Variants in ANO2 observed in about 807,000 individuals in gnomAD.
ANO2 encodes the protein anoctamin 2, also known as anoctamin-2.
In ANO2, 101 loss-of-function variants were observed where a neutral mutation model predicts 124.2. The ratio of observed to expected loss-of-function variants is 0.81; its 90% CI spans 0.69 to 0.96. The LOEUF is 0.96. ANO2 is among the 40% of genes least tolerant of loss of function. ANO2 has a pLI of 0.00. For missense variants in ANO2, 1,293 were observed against 1,274.5 expected, an observed-to-expected ratio of 1.01 and a Z score of -0.22; for synonymous variants, 486 against 482.5, an observed-to-expected ratio of 1.01 and a Z score of -0.09.
At chr12:5,822,608 C>A (rs1219775413) in intron 7 of ANO2, among the ~76,000 whole-genome samples, 1 of 152,192 alleles carries the variant, frequency 6.6e-6, no homozygotes, top group Non-Finnish European at 1.5e-5. Flanking sequence ...CTAAATATGG[C>A]ACCATTCCTG....
At chr12:5,629,669 C>T (rs1565494847) in intron 16 of ANO2, among the ~76,000 whole-genome samples, 1 of 152,186 alleles carries the variant, frequency 6.6e-6, no homozygotes, top group Non-Finnish European at 1.5e-5. Flanking sequence ...GAATGGATCA[C>T]TGGGGACTAA....
intron 14 of ANO2, among the ~76,000 whole-genome samples, chr12:5,713,403 T>C (rs960718390): frequency 1.8e-4 from 27 of 152,258 alleles, no homozygotes; most frequent in African/African-American, 6.5e-4. Context: ...TAAACTTTAG[T>C]GTTTAAAGTT....
intron 14 of ANO2, among the ~76,000 whole-genome samples, chr12:5,715,380 C>T (rs974985878): frequency 6.6e-6 from 1 of 152,186 alleles, no homozygotes; most frequent in African/African-American, 2.4e-5. Flanking sequence ...AGCTCTTGAT[C>T]CATCCATTGC....
At chr12:5,607,718 A>AGCGTGAACCCT (rs1944289943) in intron 19 of ANO2, among the ~76,000 whole-genome samples, 1 of 152,086 alleles carries the variant, frequency 6.6e-6, no homozygotes, top group Non-Finnish European at 1.5e-5. Flanking sequence ...TTCTCACAGG[A>AGCGTGAACCCT]GCGTGAACCC....
intron 20 of ANO2, among the ~76,000 whole-genome samples, chr12:5,586,206 A>G (rs770496117): frequency 6.6e-6 from 1 of 152,170 alleles, no homozygotes; most frequent in Non-Finnish European, 1.5e-5. Context: ...TTTTTTCTTA[A>G]AGGCGTGGGG....
intron 13 of ANO2, among the ~76,000 whole-genome samples, chr12:5,734,144 A>C (rs1361134562): frequency 2.0e-5 from 3 of 152,246 alleles, no homozygotes; most frequent in Non-Finnish European, 2.9e-5. Context: ...ACTGGAAAAC[A>C]CTAGAACGTA....
At chr12:5,888,719 G>T (rs1939158900) in intron 3 of ANO2, among the ~76,000 whole-genome samples, 2 of 152,248 alleles carry the variant, frequency 1.3e-5, no homozygotes, top group South Asian at 4.1e-4. Flanking sequence ...GCTGATTGGT[G>T]TGTTTACAAA....
At chr12:5,698,405 C>A (rs948921608) in intron 14 of ANO2, among the ~76,000 whole-genome samples, 4 of 152,182 alleles carry the variant, frequency 2.6e-5, no homozygotes, top group Non-Finnish European at 5.9e-5. Context: ...AGAAGGAAAA[C>A]TAACAAACAG....
chr12:5,644,964 G>C (rs547090172), intron 15 of ANO2, among the ~76,000 whole-genome samples: 6 of 151,846 alleles, frequency 4.0e-5, no homozygotes, highest in African/African-American at 1.4e-4. Flanking sequence ...ATTTGCCTTT[G>C]GATTTAAGGC....
At chr12:5,668,164 C>T (rs1429727465) in intron 14 of ANO2, among the ~76,000 whole-genome samples, 1 of 152,208 alleles carries the variant, frequency 6.6e-6, no homozygotes, top group Non-Finnish European at 1.5e-5. Context: ...ATTGACATTC[C>T]CACCAACAGT....
intron 3 of ANO2, among the ~76,000 whole-genome samples, chr12:5,871,788 A>G (rs1331617791): frequency 6.6e-6 from 1 of 152,214 alleles, no homozygotes; most frequent in African/African-American, 2.4e-5. Flanking sequence ...ACCAATGGAT[A>G]CAAACTCTGC....
intron 3 of ANO2, among the ~76,000 whole-genome samples, chr12:5,901,913 A>G (rs775536504): frequency 1.3e-4 from 20 of 152,216 alleles, no homozygotes; most frequent in Non-Finnish European, 2.1e-4. Flanking sequence ...CGAGGGGCCA[A>G]TCACACAGAT....
chr12:5,878,724 T>C (rs1233876922), intron 3 of ANO2, among the ~76,000 whole-genome samples: 2 of 152,148 alleles, frequency 1.3e-5, no homozygotes, highest in Non-Finnish European at 2.9e-5. Context: ...CCACACTGAT[T>C]TACACAGCAT....
At chr12:5,893,450 TTTTC>T (rs1303051186) in intron 3 of ANO2, among the ~76,000 whole-genome samples, 6 of 151,884 alleles carry the variant, frequency 4.0e-5, no homozygotes, top group African/African-American at 7.2e-5. Flanking sequence ...GAGACATTTC[TTTTC>T]TTTATTTTGT....
intron 4 of ANO2, among the ~76,000 whole-genome samples, chr12:5,850,976 T>G (rs774092648): frequency 1.3e-5 from 2 of 152,222 alleles, no homozygotes; most frequent in Non-Finnish European, 2.9e-5. Context: ...ATATCATAGA[T>G]GAGGCAACTG....
chr12:5,647,185 G>A (rs1253423769), intron 15 of ANO2, among the ~76,000 whole-genome samples: 1 of 152,220 alleles, frequency 6.6e-6, no homozygotes, highest in African/African-American at 2.4e-5. Flanking sequence ...AACGAAGAAT[G>A]AACTGCTACC....
intron 7 of ANO2, among the ~76,000 whole-genome samples, chr12:5,824,923 G>A (rs58055156): frequency 0.036 from 5,429 of 152,176 alleles, 298 homozygotes; most frequent in African/African-American, 0.12. Context: ...ATCAGATCTC[G>A]TGAGACTTAT....
At chr12:5,572,303 C>T (rs1438339450) in intron 23 of ANO2, among the ~76,000 whole-genome samples, 1 of 152,190 alleles carries the variant, frequency 6.6e-6, no homozygotes, top group Non-Finnish European at 1.5e-5. Context: ...CCTGACACAC[C>T]CCTTGCTGCC....
chr12:5,771,961 T>C (rs1231374094), intron 10 of ANO2, among the ~76,000 whole-genome samples: 1 of 152,198 alleles, frequency 6.6e-6, no homozygotes, highest in Non-Finnish European at 1.5e-5. Flanking sequence ...TCCAAGTACA[T>C]GTCAAACAGT....
Sources: gnomAD v4.1 joint callset for allele counts (sites outside exome capture counted in the v4.1 genomes callset) on GRCh38, gnomAD v4.1.1 for gene constraint, MANE v1.5 for transcripts, NCBI Gene and HGNC (gene_info 2026-07-23, HGNC 2026-07-21) for gene names.